The following DOCK3 variants were observed in gnomAD, a reference collection of about 807,000 sequenced individuals.
DOCK3 encodes dedicator of cytokinesis 3.
Under a neutral mutation model 265.6 loss-of-function variants are expected in DOCK3, and 60 were observed. The observed-to-expected ratio is 0.23, with a 90% CI of 0.18 to 0.28. DOCK3 has a LOEUF of 0.28. DOCK3 is among the 10% of genes least tolerant of loss of function. DOCK3 has a pLI of 1.00. For missense variants in DOCK3, 1,981 were observed against 2,594.3 expected (o/e 0.76, Z 5.14); for synonymous variants, 881 against 938.0 (o/e 0.94, Z 1.11).
Position 51,260,192 on chromosome 3 carries a change from C to A in DOCK3, c.2221C>A (p.Arg741=). 1 of 1,613,728 alleles carries A rather than the reference C, an allele frequency of 6.2e-7. No homozygotes were observed. The highest frequency in any genetic ancestry group is 8.5e-7 in the Non-Finnish European group (1 of 1,179,794). The change falls in exon 23 of 53, where the codon CGG becomes AGG. Residue 741 remains arginine (R), a synonymous_variant. Coordinates refer to ENST00000266037, the MANE Select transcript of DOCK3 (RefSeq NM_004947.5). ...CCTTTTCAAGTTCATTGTACAGTCA[C>A]GGATCCTGTACTCACGAGCCACTTG... ...EYLFKFIVQS[R]ILYSRATCGM... is the part of the protein sequence containing the mutation.
chr3:51,210,599 A>G (rs1273232447), intron 13 of DOCK3, among the ~76,000 whole-genome samples: 2 of 152,342 alleles, frequency 1.3e-5, no homozygotes, highest in Non-Finnish European at 1.5e-5. Context: ...CTCAGTTGCC[A>G]AGCTTCTGAG....
chr3:50,997,586 TA>T (rs1326273613), intron 5 of DOCK3, among the ~76,000 whole-genome samples: 1 of 152,108 alleles, frequency 6.6e-6, no homozygotes, highest in Non-Finnish European at 1.5e-5. Context: ...TAGAAAGAAA[TA>T]CACTAAAATG....
chr3:50,963,972 T>C (rs1448414299), intron 5 of DOCK3, among the ~76,000 whole-genome samples: 1 of 152,196 alleles, frequency 6.6e-6, no homozygotes, highest in Non-Finnish European at 1.5e-5. Context: ...GTGAGGAAAC[T>C]ACTCAGGGCT....
At position 50,820,061 on chromosome 3, in the gene DOCK3, C is replaced by G. The variant is rs546001946; in HGVS notation, c.122-21614C>G. ...AAAGCCTCAGTTCAGGAACTCCCCA[C>G]CCCTTTCCCAAAAAACTCATGAATA... is the stretch of plus-strand genomic sequence containing the variant. On this transcript the variant is annotated intron_variant, in intron 2 of 52. Transcript: ENST00000266037. Among the ~76,000 whole-genome samples the G allele has an allele frequency of 6.6e-5, 10 of 152,332 alleles. No homozygotes were observed. The South Asian group carries it at 8.3e-4, about 13-fold the overall frequency.
In DOCK3 at chr3:50,675,543, C is replaced by T. The variant is rs1415261471; in HGVS notation, c.37+243C>T. Among the ~76,000 whole-genome samples, 1 of 151,008 alleles carries T rather than the reference C, an allele frequency of 6.6e-6. No homozygotes were observed. The highest frequency in any genetic ancestry group is 2.4e-5 in the African/African-American group (1 of 41,042). On this transcript the variant is annotated intron_variant, in intron 1 of 52. Coordinates refer to ENST00000266037, the MANE Select transcript of DOCK3 (RefSeq NM_004947.5). This position sits in a 1 kb window ranked among gnomAD's most constrained non-coding sequence, Gnocchi z 6.1. ...GTGCGGCCTTGGCAGGTGCGGCCCG[C>T]GGGAGGGGTGGGCAAGGCCCGGGCA...
intron 25 of DOCK3, among the ~76,000 whole-genome samples, chr3:51,277,254 G>A (rs1159395058): frequency 6.6e-6 from 1 of 152,238 alleles, no homozygotes; most frequent in African/African-American, 2.4e-5. Context: ...AGTGTCAGCA[G>A]AGTTTTGCCT....
chr3:51,092,278 T>C (rs1035794728), intron 9 of DOCK3, among the ~76,000 whole-genome samples: 3 of 152,174 alleles, frequency 2.0e-5, no homozygotes, highest in African/African-American at 7.2e-5. Flanking sequence ...AAATTCTCAC[T>C]GCCAGCACAG....
intron 5 of DOCK3, among the ~76,000 whole-genome samples, chr3:51,008,814 G>A (rs2078801621): frequency 1.3e-5 from 2 of 152,156 alleles, no homozygotes; most frequent in Admixed American, 1.3e-4. Flanking sequence ...TTTATTGAGA[G>A]TTTTTAGCAT....
intron 4 of DOCK3, among the ~76,000 whole-genome samples, chr3:50,904,521 G>A (rs956123286): frequency 9.9e-5 from 15 of 152,150 alleles, no homozygotes; most frequent in African/African-American, 1.4e-4. Context: ...CAGTGACAAC[G>A]AATATTTTTT....
chr3:50,840,771 CAA>C (rs1462476192), intron 2 of DOCK3, among the ~76,000 whole-genome samples: 3 of 152,146 alleles, frequency 2.0e-5, no homozygotes, highest in South Asian at 2.1e-4. Context: ...AAATGAGACT[CAA>C]GATATAAAAT....
intron 2 of DOCK3, among the ~76,000 whole-genome samples, chr3:50,779,999 A>C (rs1441124870): frequency 1.3e-5 from 2 of 152,184 alleles, no homozygotes; most frequent in Non-Finnish European, 2.9e-5. Context: ...GTGGAGCTCT[A>C]ATCTAGTTGG....
intron 6 of DOCK3, among the ~76,000 whole-genome samples, chr3:51,073,303 T>C (rs770358985): frequency 2.5e-4 from 19 of 76,796 alleles, no homozygotes; most frequent in Non-Finnish European, 3.7e-4. Flanking sequence ...TGAAATTATA[T>C]CTGCAAAATT....
chr3:50,871,285 T>G (rs983181138), intron 3 of DOCK3, among the ~76,000 whole-genome samples: 6 of 152,066 alleles, frequency 3.9e-5, no homozygotes, highest in Admixed American at 6.5e-5. Flanking sequence ...GGATACATTA[T>G]TCTTGGGTAA....
intron 2 of DOCK3, among the ~76,000 whole-genome samples, chr3:50,806,421 C>T (rs1469407925): frequency 6.6e-6 from 1 of 151,748 alleles, no homozygotes; most frequent in Non-Finnish European, 1.5e-5. Flanking sequence ...AGGCCAGGGG[C>T]ATGTCTGTGT....
intron 5 of DOCK3, among the ~76,000 whole-genome samples, chr3:50,936,693 T>C (rs1249141487): frequency 6.6e-6 from 1 of 152,118 alleles, no homozygotes; most frequent in East Asian, 1.9e-4. Context: ...TTACCCTGAA[T>C]TGTGTATGCA....
At chr3:51,094,432 A>G (rs1255456676) in intron 9 of DOCK3, among the ~76,000 whole-genome samples, 2 of 148,970 alleles carry the variant, frequency 1.3e-5, no homozygotes, top group Admixed American at 6.7e-5. Flanking sequence ...CATTTTTTCT[A>G]TATTTTCCTA....
chr3:51,202,402 A>G (rs2088848462), intron 12 of DOCK3, among the ~76,000 whole-genome samples: 1 of 151,674 alleles, frequency 6.6e-6, no homozygotes. Flanking sequence ...CTACGCAAAT[A>G]AACTAGAAAA....
At chr3:50,713,904 T>C (rs1193795501) in intron 1 of DOCK3, among the ~76,000 whole-genome samples, 1 of 152,204 alleles carries the variant, frequency 6.6e-6, no homozygotes, top group Non-Finnish European at 1.5e-5. Context: ...AAATATCTCT[T>C]GAGGTAAGGG....
intron 23 of DOCK3, among the ~76,000 whole-genome samples, chr3:51,263,391 G>A: frequency 6.6e-6 from 1 of 152,126 alleles, no homozygotes. Flanking sequence ...GTCACCACCA[G>A]GCCTGCCTTA....
Sources: allele counts gnomAD v4.1 joint callset (sites outside exome capture counted in the v4.1 genomes callset), GRCh38; gene constraint gnomAD v4.1.1; non-coding constraint Gnocchi (gnomAD v3.1); transcripts MANE v1.5; gene names NCBI Gene and HGNC (gene_info 2026-07-23, HGNC 2026-07-21).